The following ZFHX3 variants were observed in gnomAD, a reference collection of about 807,000 sequenced individuals.
ZFHX3 encodes the protein zinc finger homeobox protein 3.
In ZFHX3, 42 loss-of-function variants were observed where a neutral mutation model predicts 279.1. The observed-to-expected ratio is 0.15, with a 90% CI of 0.12 to 0.19. The LOEUF (loss-of-function observed/expected upper bound fraction) is 0.19. Ranked by LOEUF, ZFHX3 falls within the 10% of genes least tolerant of loss-of-function variation. The pLI is 1.00. For synonymous variants in ZFHX3, 2,293 were observed against 1,957.8 expected (o/e 1.17, Z -4.52); for missense variants, 4,981 against 4,754.0 (o/e 1.05, Z -1.40).
chr16:72,916,729 G>A (rs1280273740), intron 3 of ZFHX3, among the ~76,000 whole-genome samples: 1 of 152,176 alleles, frequency 6.6e-6, no homozygotes, highest in African/African-American at 2.4e-5. Flanking sequence ...GGCATTTCTA[G>A]GCACCACGGC....
At chr16:72,802,275 A>G (rs1388834464) in intron 7 of ZFHX3, among the ~76,000 whole-genome samples, 1 of 152,142 alleles carries the variant, frequency 6.6e-6, no homozygotes, top group Non-Finnish European at 1.5e-5. Context: ...TGACGGCAAA[A>G]AAGAAAAAAA....
At chr16:73,310,635 C>T (rs555262518) in intron 4 of ZFHX3, among the ~76,000 whole-genome samples, 3 of 152,260 alleles carry the variant, frequency 2.0e-5, no homozygotes, top group Admixed American at 6.5e-5. Flanking sequence ...CTCACAACAA[C>T]GAATTATCCA....
chr16:73,284,452 T>C (rs1403384820), intron 4 of ZFHX3, among the ~76,000 whole-genome samples: 1 of 151,904 alleles, frequency 6.6e-6, no homozygotes, highest in African/African-American at 2.4e-5. Context: ...ATGTGAAATG[T>C]ATTATTATAA....
chr16:73,653,529 T>C (rs944577791), intron 2 of ZFHX3, among the ~76,000 whole-genome samples: 5 of 152,132 alleles, frequency 3.3e-5, no homozygotes, highest in African/African-American at 1.2e-4. Context: ...ATTGCACATC[T>C]AAAAATGCAT....
chr16:72,836,953 G>T (rs2037208012), intron 4 of ZFHX3, among the ~76,000 whole-genome samples: 1 of 152,172 alleles, frequency 6.6e-6, no homozygotes. Context: ...ACCTTCTCAG[G>T]ATGTCATTTC....
In ZFHX3 at chr16:72,959,419, CCTT is replaced by C. The variant is rs774136434; in HGVS notation, c.724_726del (p.Lys242del). The C allele has an allele frequency of 1.2e-6, 2 of 1,614,232 alleles. No individual in the cohort carries two copies. Among genetic ancestry groups the C allele is most frequent in the Non-Finnish European group, 1.7e-6 (2 of 1,180,026 alleles). On this transcript the variant is annotated inframe_deletion, in exon 2 of 10. Coordinates refer to ENST00000268489, the MANE Select transcript of ZFHX3 (RefSeq NM_006885.4). ...GCAGAACCGTCGCTGTTCAGGTAAT[CCTT>C]GTTGCTTTTGTGTCGCACGTCAAAC...
chr16:73,668,891 G>C (rs1182120938), intron 2 of ZFHX3, among the ~76,000 whole-genome samples: 1 of 152,062 alleles, frequency 6.6e-6, no homozygotes, highest in Non-Finnish European at 1.5e-5. Flanking sequence ...TTATTAAAAA[G>C]TCAGGAAACA....
intron 4 of ZFHX3, among the ~76,000 whole-genome samples, chr16:73,281,731 T>G (rs1376857678): frequency 6.6e-6 from 1 of 151,882 alleles, no homozygotes; most frequent in Non-Finnish European, 1.5e-5. Context: ...TGTTTATTTA[T>G]CCACAAACTG....
chr16:72,999,725 G>T (rs191586118), intron 1 of ZFHX3, among the ~76,000 whole-genome samples: 177 of 151,822 alleles, frequency 1.2e-3, no homozygotes, highest in Non-Finnish European at 2.3e-3. Context: ...GTGGGCAGGG[G>T]TCTCACCTGA....
chr16:73,240,656 A>AT (rs753932565), intron 5 of ZFHX3, among the ~76,000 whole-genome samples: 2 of 152,226 alleles, frequency 1.3e-5, no homozygotes, highest in Non-Finnish European at 2.9e-5. Flanking sequence ...AGCTGGGAAC[A>AT]CACACATTGG....
chr16:73,543,528 A>G (rs569012646), intron 2 of ZFHX3, among the ~76,000 whole-genome samples: 1 of 152,140 alleles, frequency 6.6e-6, no homozygotes, highest in South Asian at 2.1e-4. Flanking sequence ...CAGCGGGGAG[A>G]TGTAAGAGCC....
chr16:73,854,343 T>C (rs950870511), intron 1 of ZFHX3, among the ~76,000 whole-genome samples: 1 of 152,022 alleles, frequency 6.6e-6, no homozygotes, highest in African/African-American at 2.4e-5. Flanking sequence ...CTGGCCAACA[T>C]GGTGACACTT....
At chr16:73,190,855 C>T (rs1455648540) in intron 5 of ZFHX3, among the ~76,000 whole-genome samples, 1 of 151,316 alleles carries the variant, frequency 6.6e-6, no homozygotes, top group Non-Finnish European at 1.5e-5. Context: ...ACATGAGGGA[C>T]TACAGGGCGA....
At chr16:73,365,190 C>T (rs2016509854) in intron 3 of ZFHX3, among the ~76,000 whole-genome samples, 1 of 152,222 alleles carries the variant, frequency 6.6e-6, no homozygotes, top group Non-Finnish European at 1.5e-5. Context: ...TGGCAAGGTG[C>T]CACCCCCTTA....
At chr16:73,430,864 AG>A (rs546722275) in intron 3 of ZFHX3, among the ~76,000 whole-genome samples, 42 of 152,192 alleles carry the variant, frequency 2.8e-4, no homozygotes, top group Non-Finnish European at 5.3e-4. Context: ...CCTCAAAGGA[AG>A]GGATGTTGCG....
intron 1 of ZFHX3, among the ~76,000 whole-genome samples, chr16:73,798,572 C>T (rs1410120706): frequency 2.3e-5 from 3 of 131,066 alleles, no homozygotes; most frequent in Admixed American, 7.4e-5. Context: ...CACACAGGTG[C>T]ACACACACAG....
chr16:73,665,080 G>A (rs749991289), intron 2 of ZFHX3, among the ~76,000 whole-genome samples: 9 of 152,228 alleles, frequency 5.9e-5, no homozygotes, highest in Non-Finnish European at 1.2e-4. Context: ...CTGCTCTCAC[G>A]GAGTTTACAG....
At chr16:73,622,792 A>G (rs2052377238) in intron 2 of ZFHX3, among the ~76,000 whole-genome samples, 1 of 152,122 alleles carries the variant, frequency 6.6e-6, no homozygotes. Flanking sequence ...CCTGAAGTCT[A>G]TGGCTCATTT....
intron 4 of ZFHX3, among the ~76,000 whole-genome samples, chr16:73,259,452 G>A (rs182687035): frequency 3.7e-4 from 57 of 152,208 alleles, no homozygotes; most frequent in African/African-American, 1.3e-3. Flanking sequence ...TACTGTCTAC[G>A]CTTCTTGAAG....
Sources: allele counts gnomAD v4.1 joint callset (sites outside exome capture counted in the v4.1 genomes callset), GRCh38; gene constraint gnomAD v4.1.1; transcripts MANE v1.5; gene names NCBI Gene and HGNC (gene_info 2026-07-23, HGNC 2026-07-21).